The following THSD7B variants were observed in gnomAD, a reference collection of about 807,000 sequenced individuals.
The protein encoded by THSD7B is thrombospondin type 1 domain containing 7B.
A neutral mutation model predicts 213.6 loss-of-function variants in THSD7B; 138 were observed. The observed-to-expected ratio is 0.65, with a 90% CI of 0.56 to 0.74. The LOEUF (loss-of-function observed/expected upper bound fraction) is 0.74. THSD7B is among the 30% of genes least tolerant of loss of function. The pLI is 0.00. For missense variants in THSD7B, 1,931 were observed against 1,991.5 expected (o/e 0.97, Z 0.58); for synonymous variants, 742 against 687.0 (o/e 1.08, Z -1.25).
At chr2:137,477,458 G>A (rs1688217271) in intron 15 of THSD7B, among the ~76,000 whole-genome samples, 1 of 151,698 alleles carries the variant, frequency 6.6e-6, no homozygotes, top group African/African-American at 2.4e-5. Context: ...TATCCATTCA[G>A]CCAGCTTATG....
chr2:137,243,556 G>GA (rs1681960839), intron 10 of THSD7B, among the ~76,000 whole-genome samples: 1 of 152,208 alleles, frequency 6.6e-6, no homozygotes, highest in East Asian at 1.9e-4. Flanking sequence ...GTTCTGCAGA[G>GA]AAAAAAGCCT....
rs373017033 is a variant in THSD7B at position 137,231,116 on chromosome 2, G to A, written c.1796G>A (p.Arg599Gln). The change falls in exon 8 of 28, where the codon CGA (arginine) becomes CAA (glutamine). Residue 599 changes from arginine (R) to glutamine (Q), a missense_variant. Transcript: ENST00000409968. Reference sequence around the variant, plus strand: ...AGGAAGTCTTGTGAAATTCCCTGCCGAATGGACTGTGTGCTGAGCGAGTGG... The same window carrying A: ...AGGAAGTCTTGTGAAATTCCCTGCCAAATGGACTGTGTGCTGAGCGAGTGG... Reference protein sequence around the residue: ...PERKSCEIPCRMDCVLSEWTE... With the variant: ...PERKSCEIPCQMDCVLSEWTE... 32 of 1,613,708 alleles carry A rather than the reference G, an allele frequency of 2.0e-5. No homozygotes were observed. The highest frequency in any genetic ancestry group is 1.6e-4 in the Middle Eastern group (1 of 6,082).
intron 15 of THSD7B, among the ~76,000 whole-genome samples, chr2:137,521,884 AGTAACCTCTCAGCTG>A (rs1558825940): frequency 2.6e-4 from 8 of 30,246 alleles, no homozygotes; most frequent in African/African-American, 1.9e-3. Flanking sequence ...TCAGCTGTTG[AGTAACCTCTCAGCTG>A]TTGAGTAACC....
intron 1 of THSD7B, among the ~76,000 whole-genome samples, chr2:136,855,764 G>A (rs775686836): frequency 4.5e-4 from 68 of 152,012 alleles, no homozygotes; most frequent in Admixed American, 1.4e-3. Flanking sequence ...GAGCCATCAC[G>A]CCCGGGCTTC....
At chr2:137,345,615 GAATT>G (rs1380466799) in intron 12 of THSD7B, among the ~76,000 whole-genome samples, 2 of 151,232 alleles carry the variant, frequency 1.3e-5, no homozygotes, top group African/African-American at 4.8e-5. Context: ...GAGAGAATAT[GAATT>G]AATATGGTAT....
chr2:137,060,974 C>T (rs377393292), intron 3 of THSD7B, among the ~76,000 whole-genome samples: 3 of 151,816 alleles, frequency 2.0e-5, no homozygotes, highest in East Asian at 3.9e-4. Flanking sequence ...TCATCCTATT[C>T]TGGTACATAG....
chr2:137,001,486 C>G (rs1480523445), intron 2 of THSD7B, among the ~76,000 whole-genome samples: 1 of 152,106 alleles, frequency 6.6e-6, no homozygotes, highest in Non-Finnish European at 1.5e-5. Flanking sequence ...TTTGGTATTT[C>G]TGGAAGTCCA....
intron 10 of THSD7B, among the ~76,000 whole-genome samples, chr2:137,250,026 A>G (rs1682136150): frequency 6.6e-6 from 1 of 152,180 alleles, no homozygotes. Context: ...GCCTCAAAGG[A>G]GCAAAGACCA....
intron 2 of THSD7B, among the ~76,000 whole-genome samples, chr2:136,942,757 C>T (rs1341688640): frequency 1.2e-4 from 19 of 152,160 alleles, no homozygotes; most frequent in Non-Finnish European, 2.5e-4. Context: ...TGGGCTGAGA[C>T]GATGGGGTTT....
chr2:137,020,030 GGCACAGACCTCGAAACATA>G (rs1686414147), intron 2 of THSD7B, among the ~76,000 whole-genome samples: 1 of 152,176 alleles, frequency 6.6e-6, no homozygotes, highest in East Asian at 1.9e-4. Context: ...GAAAACGCCA[GGCACAGACCTCGAAACATA>G]TCCTTGCCCA....
intron 17 of THSD7B, among the ~76,000 whole-genome samples, chr2:137,573,680 T>A (rs918741116): frequency 6.6e-6 from 1 of 152,238 alleles, no homozygotes; most frequent in Non-Finnish European, 1.5e-5. Context: ...ATGTAGGAAC[T>A]ATTCCCTTTA....
chr2:137,264,110 T>A (rs114228835), intron 10 of THSD7B, among the ~76,000 whole-genome samples: 6,277 of 152,226 alleles, frequency 0.041, 153 homozygotes, highest in African/African-American at 0.07. Context: ...TCACAAATAT[T>A]TATTAATGAT....
In THSD7B at chr2:137,412,608, AAACAAAAAAAAAC is replaced by A. The variant is rs1285827774; in HGVS notation, c.2959+739_2959+751del. Among the ~76,000 whole-genome samples, 11 of 146,554 alleles carry A rather than the reference AAACAAAAAAAAAC, an allele frequency of 7.5e-5. 3 individuals carry two copies. The East Asian group carries it at 1.2e-3, about 16-fold the overall frequency. On this transcript the variant is annotated intron_variant, in intron 14 of 27. Coordinates refer to ENST00000409968, the MANE Select transcript of THSD7B (RefSeq NM_001316349.2). ...GCAAAACTCTGTCTCAAAAAAAAAA[AAACAAAAAAAAAC>A]AAAAAACAGTTTTACTATATAAAGT...
At chr2:136,810,635 C>T (rs1266796804) in intron 1 of THSD7B, among the ~76,000 whole-genome samples, 4 of 152,246 alleles carry the variant, frequency 2.6e-5, no homozygotes, top group African/African-American at 9.6e-5. Flanking sequence ...GATTCACTCT[C>T]ATGGGTTTTC....
rs1156499374 is a variant in THSD7B at position 137,556,650 on chromosome 2, C to A, written c.3139-6571C>A. ...CTGCATCAACTAATGAGCAAAATAA[C>A]CAGCTAACATCATAATGACAGGATC... On this transcript the variant is annotated intron_variant, in intron 15 of 27. Coordinates refer to ENST00000409968, the MANE Select transcript of THSD7B (RefSeq NM_001316349.2). 2.0e-5 allele frequency among the ~76,000 whole-genome samples: 3 copies of A among 152,178 alleles called. No homozygotes were observed. The East Asian group carries it at 5.8e-4, about 29-fold the overall frequency.
chr2:137,555,667 C>T (rs180769050), intron 15 of THSD7B, among the ~76,000 whole-genome samples: 1 of 152,182 alleles, frequency 6.6e-6, no homozygotes, highest in East Asian at 1.9e-4. Context: ...CAGCTCCTCA[C>T]CAGCAACGGA....
Position 137,265,884 on chromosome 2 carries a change from A to T in THSD7B, c.2267-6649A>T, listed in dbSNP as rs115811409. ...GGTATTGGCTAGAATTGCTGTGAGAAAACAGGATGTTTGACCATCCTATCC... is the reference window on the plus strand; with the variant it reads ...GGTATTGGCTAGAATTGCTGTGAGATAACAGGATGTTTGACCATCCTATCC... On this transcript the variant is annotated intron_variant, in intron 10 of 27. Transcript: ENST00000409968. Among the ~76,000 whole-genome samples, 356 of 152,326 alleles carry T rather than the reference A, an allele frequency of 2.3e-3. 2 individuals are homozygous for T. The highest frequency in any genetic ancestry group is 8.3e-3 in the African/African-American group (344 of 41,576).
intron 9 of THSD7B, among the ~76,000 whole-genome samples, chr2:137,241,911 G>GAA (rs201903054): frequency 7.6e-5 from 8 of 105,564 alleles, no homozygotes; most frequent in East Asian, 5.5e-4. Flanking sequence ...TCCATCTCAG[G>GAA]AAAAAAAAAA....
chr2:137,160,136 G>T, intron 5 of THSD7B, 77 bp from the exon 6 acceptor site: 2 of 1,416,558 alleles, frequency 1.4e-6, no homozygotes, highest in Non-Finnish European at 1.9e-6. Flanking sequence ...TGCAAGACAG[G>T]CATGCAAATA....
Sources: gnomAD v4.1 joint callset for allele counts (sites outside exome capture counted in the v4.1 genomes callset) on GRCh38, gnomAD v4.1.1 for gene constraint, MANE v1.5 for transcripts, NCBI Gene and HGNC (gene_info 2026-07-23, HGNC 2026-07-21) for gene names.